Variants in CST7 observed in about 807,000 individuals in gnomAD.
The protein encoded by CST7 is cystatin F, also known as cystatin-F.
In CST7, 15 loss-of-function variants were observed where a neutral mutation model predicts 13.1. That is an observed-to-expected ratio of 1.14 (90% CI 0.77 to 1.76). The LOEUF is 1.76. CST7 is among the 40% of genes most tolerant of loss of function. The probability of loss-of-function intolerance (pLI) is 0.00; values close to 1 mark genes in which losing one functional copy is unlikely to be tolerated. For synonymous variants in CST7, 75 were observed against 66.9 expected (o/e 1.12, Z -0.59); for missense variants, 193 against 178.8 (o/e 1.08, Z -0.45).
chr20:24,958,076 G>C (rs548777567), intron 2 of CST7, among the ~76,000 whole-genome samples: 9 of 152,364 alleles, frequency 5.9e-5, no homozygotes, highest in African/African-American at 2.2e-4. Context: ...GCTGGTGCCT[G>C]TAAGGGGCAG....
In CST7 at chr20:24,949,713, G is replaced by A; in HGVS notation, c.70+138G>A. On this transcript the variant is annotated intron_variant, in intron 1 of 3. Transcript: ENST00000480798. ...TGCGGTGGTGAGAGGTGCTGGGAGTGGTGAGAGGGGCAAGGGGCTCCATCT... is the reference window on the plus strand; with the variant it reads ...TGCGGTGGTGAGAGGTGCTGGGAGTAGTGAGAGGGGCAAGGGGCTCCATCT... 3.5e-6 allele frequency: 4 copies of A among 1,147,618 alleles called. No homozygotes were observed. The South Asian group carries it at 6.1e-5, about 18-fold the overall frequency. 71.1% of individuals were successfully genotyped at this position (1,147,618 alleles called of 1,614,324 possible).
At chr20:24,952,104 A>G (rs1012803080) in intron 1 of CST7, among the ~76,000 whole-genome samples, 1 of 152,178 alleles carries the variant, frequency 6.6e-6, no homozygotes. Context: ...GTTTTTCCCA[A>G]TGGGGGCATT....
intron 1 of CST7, among the ~76,000 whole-genome samples, chr20:24,957,000 AGGGGGCAGGTG>A (rs1568806022): frequency 8.9e-4 from 8 of 9,026 alleles, no homozygotes; most frequent in Admixed American, 1.3e-3. Flanking sequence ...GGGACAGGTG[AGGGGGCAGGTG>A]AGGGGGGCAG....
chr20:24,957,556 A>G, intron 2 of CST7, 97 bp downstream of exon 2: 1 of 1,280,168 alleles, frequency 7.8e-7, no homozygotes, highest in Non-Finnish European at 1.1e-6. Flanking sequence ...TATAATGTGA[A>G]GTCCCTGCTG....
intron 2 of CST7, 88 bp from the exon 3 acceptor site, chr20:24,958,840 C>T: frequency 1.1e-6 from 1 of 950,884 alleles, no homozygotes; most frequent in South Asian, 1.4e-5. Flanking sequence ...TGGGCACCTG[C>T]ACCACTGTCT....
At chr20:24,953,669 G>A (rs2087834610) in intron 1 of CST7, among the ~76,000 whole-genome samples, 1 of 152,022 alleles carries the variant, frequency 6.6e-6, no homozygotes, top group Non-Finnish European at 1.5e-5. Context: ...CTCAGGCATG[G>A]CCCACCTCCC....
At chr20:24,959,596 G>A (rs1286843945) in intron 3 of CST7, 39 bp from the exon 4 acceptor site, 1 of 1,601,592 alleles carries the variant, frequency 6.2e-7, no homozygotes, top group East Asian at 2.2e-5. Flanking sequence ...TCCCCGCAGG[G>A]AAAGTCTAAG....
chr20:24,950,575 G>T (rs1402862093), intron 1 of CST7, among the ~76,000 whole-genome samples: 1 of 152,180 alleles, frequency 6.6e-6, no homozygotes, highest in Non-Finnish European at 1.5e-5. Flanking sequence ...AGGGGCCGGG[G>T]GCAGCTTCTG....
intron 1 of CST7, among the ~76,000 whole-genome samples, chr20:24,956,677 C>G (rs2087856709): frequency 6.6e-6 from 1 of 151,928 alleles, no homozygotes; most frequent in East Asian, 2.0e-4. Context: ...GAGGGGTGCC[C>G]TCCTGGGGGC....
At chr20:24,952,274 C>G (rs984000814) in intron 1 of CST7, among the ~76,000 whole-genome samples, 1 of 152,156 alleles carries the variant, frequency 6.6e-6, no homozygotes, top group Non-Finnish European at 1.5e-5. Context: ...CACGGAGGCT[C>G]AGAGAGGTTA....
chr20:24,950,388 A>G (rs1278630864), intron 1 of CST7, among the ~76,000 whole-genome samples: 4 of 152,216 alleles, frequency 2.6e-5, no homozygotes, highest in Non-Finnish European at 4.4e-5. Flanking sequence ...CAGCAGGACC[A>G]CTGACAAGAG....
intron 1 of CST7, among the ~76,000 whole-genome samples, chr20:24,953,350 T>C (rs2087832619): frequency 1.3e-5 from 2 of 152,196 alleles, no homozygotes; most frequent in South Asian, 4.1e-4. Context: ...GGCAGCGTGA[T>C]GTCACAGCAC....
intron 1 of CST7, among the ~76,000 whole-genome samples, chr20:24,956,155 G>A (rs1479028077): frequency 6.6e-6 from 1 of 152,186 alleles, no homozygotes; most frequent in Non-Finnish European, 1.5e-5. Flanking sequence ...GCCTGGGGGT[G>A]CCACGTGGTG....
Position 24,949,538 on chromosome 20 carries a change from C to T in CST7, c.33C>T (p.Cys11=). 1.2e-6 allele frequency: 2 copies of T among 1,614,140 alleles called. No individual in the cohort carries two copies. Among genetic ancestry groups the T allele is most frequent in the Non-Finnish European group, 1.7e-6 (2 of 1,180,036 alleles). ...CGGCTGGAACTCTGCTGGCCTTCTGCTGCCTGGTCTTGAGCACCACTGGGG... is the reference window on the plus strand; with the variant it reads ...CGGCTGGAACTCTGCTGGCCTTCTGTTGCCTGGTCTTGAGCACCACTGGGG... The part of the protein sequence containing the change: MRAAGTLLAF[C]CLVLSTTGGP... The change falls in exon 1 of 4, where the codon TGC becomes TGT. Residue 11 remains cysteine, a synonymous_variant. Transcript: ENST00000480798.
Position 24,949,348 on chromosome 20 carries a change from T to C in CST7, c.-158T>C. The C allele has an allele frequency of 1.9e-6, 3 of 1,540,108 alleles. No individual in the cohort carries two copies. Among genetic ancestry groups the C allele is most frequent in the East Asian group, 4.5e-5 (2 of 43,978 alleles). ...CTGGCCCGTGCTGCCTGAGAAGGAT[T>C]GGCACGGGCACAGACCACTGCCCCC... On this transcript the variant is annotated 5_prime_UTR_variant, in exon 1 of 4. Coordinates refer to ENST00000480798, the MANE Select transcript of CST7 (RefSeq NM_003650.4).
Position 24,957,819 on chromosome 20 carries a change from C to T in CST7, c.243+360C>T, listed in dbSNP as rs1319163829. On this transcript the variant is annotated intron_variant, in intron 2 of 3. Transcript: ENST00000480798. ...GTCCGAGGAGCTGCCCCTGCTGGGA[C>T]CAGGGTCCTCACCCGGCCTCACCCC... 1.3e-5 allele frequency among the ~76,000 whole-genome samples: 2 copies of T among 152,160 alleles called. 1 individual carries two copies. The highest frequency in any genetic ancestry group is 4.1e-4 in the South Asian group (2 of 4,834).
chr20:24,959,761 T>A lies in CST7; in HGVS notation c.*49T>A, dbSNP rs1201774624. The A allele has an allele frequency of 6.4e-7, 1 of 1,564,580 alleles. No individual in the cohort carries two copies. Among genetic ancestry groups the A allele is most frequent in the South Asian group, 1.1e-5 (1 of 90,100 alleles). ...CAGCCATGACAAACACCAGGATGCA[T>A]GCTCCTTGTCCCCTCCCACCCGCCT... On this transcript the variant is annotated 3_prime_UTR_variant, in exon 4 of 4. Transcript: ENST00000480798.
chr20:24,959,119 C>A, intron 3 of CST7, 75 bp downstream of exon 3: 8 of 1,192,712 alleles, frequency 6.7e-6, no homozygotes, highest in Non-Finnish European at 9.9e-6. Flanking sequence ...GTGAAAAACA[C>A]CGTCACCACG....
Position 24,959,628 on chromosome 20 carries a change from G to A in CST7, c.361-7G>A. ...TAAGCTCTCAGGTGTGCCCTTCTCT[G>A]TTTCAGACTCTGAGCTGCTACTCTG... On this transcript the variant is annotated splice_polypyrimidine_tract_variant and splice_region_variant and intron_variant, in intron 3 of 3. Transcript: ENST00000480798. 6.2e-7 allele frequency: 1 copy of A among 1,614,076 alleles called. No homozygotes were observed. Among genetic ancestry groups the A allele is most frequent in the Non-Finnish European group, 8.5e-7 (1 of 1,179,962 alleles).
Sources: allele counts gnomAD v4.1 joint callset (sites outside exome capture counted in the v4.1 genomes callset), GRCh38; gene constraint gnomAD v4.1.1; transcripts MANE v1.5; gene names NCBI Gene and HGNC (gene_info 2026-07-23, HGNC 2026-07-21).